Variants in PPP2R2B observed in about 807,000 individuals in gnomAD.
PPP2R2B encodes the protein serine/threonine-protein phosphatase 2A 55 kDa regulatory subunit B beta isoform.
Under a neutral mutation model 46.0 loss-of-function variants are expected in PPP2R2B, and 5 were observed. The observed-to-expected ratio is 0.11, with a 90% CI of 0.06 to 0.23. PPP2R2B has a LOEUF of 0.23. Among genes scored for constraint, PPP2R2B ranks in the 10% least tolerant of loss-of-function variants. The pLI, the probability that PPP2R2B is intolerant of heterozygous loss-of-function variation, is 1.00. For synonymous variants in PPP2R2B, 215 were observed against 206.7 expected, an observed-to-expected ratio of 1.04 and a Z score of -0.34; for missense variants, 367 against 575.0, an observed-to-expected ratio of 0.64 and a Z score of 3.70.
chr5:146,837,192 T>C (rs191739463), intron 2 of PPP2R2B, among the ~76,000 whole-genome samples: 35 of 152,304 alleles, frequency 2.3e-4, no homozygotes, highest in African/African-American at 6.3e-4. Context: ...TTTTTTCACT[T>C]TCAGTACAGT....
At chr5:146,655,343 C>T (rs1776253372) in intron 5 of PPP2R2B, among the ~76,000 whole-genome samples, 1 of 152,184 alleles carries the variant, frequency 6.6e-6, no homozygotes, top group Non-Finnish European at 1.5e-5. Context: ...AGCTCTTCCC[C>T]CCCAGAGAGT....
chr5:146,631,647 A>G (rs964932281), intron 7 of PPP2R2B, among the ~76,000 whole-genome samples: 8 of 152,212 alleles, frequency 5.3e-5, no homozygotes, highest in African/African-American at 1.2e-4. Context: ...AGGTACCTCA[A>G]TGCCTCTAAA....
At chr5:146,744,175 T>C (rs981096787) in intron 2 of PPP2R2B, among the ~76,000 whole-genome samples, 1 of 152,178 alleles carries the variant, frequency 6.6e-6, no homozygotes, top group African/African-American at 2.4e-5. Flanking sequence ...ATATAGAACA[T>C]AAGGCTGTTC....
chr5:146,619,107 T>G (rs1041490410), intron 7 of PPP2R2B, among the ~76,000 whole-genome samples: 2 of 152,118 alleles, frequency 1.3e-5, no homozygotes, highest in African/African-American at 2.4e-5. Flanking sequence ...ACTACTCATT[T>G]GCACCAGAGT....
chr5:146,785,773 A>G (rs2151288383), intron 2 of PPP2R2B, among the ~76,000 whole-genome samples: 1 of 152,314 alleles, frequency 6.6e-6, no homozygotes. Context: ...AAATGTATAT[A>G]TCAAGAAATA....
chr5:146,958,038 A>G (rs1190810687), intron 1 of PPP2R2B, among the ~76,000 whole-genome samples: 1 of 152,154 alleles, frequency 6.6e-6, no homozygotes, highest in Non-Finnish European at 1.5e-5. Flanking sequence ...TCTGAGTTGG[A>G]GGAGGATCAT....
intron 2 of PPP2R2B, among the ~76,000 whole-genome samples, chr5:146,772,080 A>G (rs1204033792): frequency 1.3e-5 from 2 of 152,154 alleles, no homozygotes; most frequent in Non-Finnish European, 2.9e-5. Context: ...CATCTACAGG[A>G]AAATGGTAAA....
intron 8 of PPP2R2B, among the ~76,000 whole-genome samples, chr5:146,596,936 T>C (rs919370106): frequency 6.6e-6 from 1 of 152,198 alleles, no homozygotes; most frequent in Non-Finnish European, 1.5e-5. Flanking sequence ...GAACCTTTCC[T>C]TCTTCTTCCT....
intron 2 of PPP2R2B, among the ~76,000 whole-genome samples, chr5:146,821,441 C>G (rs1758256626): frequency 6.6e-6 from 1 of 152,176 alleles, no homozygotes; most frequent in Admixed American, 6.5e-5. Flanking sequence ...AAGCATGGCT[C>G]TCCCTTCTCT....
chr5:146,872,820 A>G (rs1268378450), intron 2 of PPP2R2B, among the ~76,000 whole-genome samples: 1 of 152,090 alleles, frequency 6.6e-6, no homozygotes, highest in African/African-American at 2.4e-5. Context: ...TTCTATTGTG[A>G]GGTACTTTTT....
upstream of PPP2R2B, chr5:146,879,053 G>T (rs958072366): frequency 1.6e-5 from 7 of 448,298 alleles, no homozygotes; most frequent in Admixed American, 3.2e-4. Flanking sequence ...TTCTCCGGAC[G>T]CCTGAACTTG....
At chr5:146,769,016 A>G (rs1465610296) in intron 2 of PPP2R2B, among the ~76,000 whole-genome samples, 1 of 152,024 alleles carries the variant, frequency 6.6e-6, no homozygotes, top group Non-Finnish European at 1.5e-5. Flanking sequence ...TAGGTGGGAA[A>G]GCAGGTATGT....
At chr5:146,740,573 TCACACACACACACACACACACACACA>T (rs3995489) in intron 2 of PPP2R2B, among the ~76,000 whole-genome samples, 8 of 138,014 alleles carry the variant, frequency 5.8e-5, no homozygotes, top group African/African-American at 1.3e-4. Context: ...TAAAATGAGA[TCACACACACACACACACACACACACA>T]CACACACACA....
chr5:146,597,406 C>T (rs530031822), intron 8 of PPP2R2B, among the ~76,000 whole-genome samples: 1 of 152,156 alleles, frequency 6.6e-6, no homozygotes, highest in Non-Finnish European at 1.5e-5. Context: ...TTGATTCTAT[C>T]AATTCTTAAA....
chr5:146,687,059 G>C (rs539703788), intron 5 of PPP2R2B, among the ~76,000 whole-genome samples: 1 of 151,478 alleles, frequency 6.6e-6, no homozygotes, highest in Non-Finnish European at 1.5e-5. Flanking sequence ...CAGTGGTAGC[G>C]GGGAGTGGTG....
chr5:146,949,835 A>G (rs1764596563), intron 1 of PPP2R2B, among the ~76,000 whole-genome samples: 1 of 152,120 alleles, frequency 6.6e-6, no homozygotes, highest in Non-Finnish European at 1.5e-5. Flanking sequence ...GCCATAAAAA[A>G]GAATGAAATT....
chr5:147,043,197 G>T (rs891941073), intron 1 of PPP2R2B, among the ~76,000 whole-genome samples: 5 of 151,916 alleles, frequency 3.3e-5, no homozygotes, highest in Admixed American at 2.6e-4. Context: ...TTGAGAATTG[G>T]GGCAAAGAAT....
intron 2 of PPP2R2B, among the ~76,000 whole-genome samples, chr5:146,741,698 C>T (rs761628713): frequency 7.2e-5 from 11 of 152,178 alleles, no homozygotes; most frequent in Non-Finnish European, 1.3e-4. Flanking sequence ...GCCACTCCTG[C>T]CTGTGCTGGG....
At chr5:146,727,300 G>C (rs567604563) in intron 2 of PPP2R2B, among the ~76,000 whole-genome samples, 3 of 140,340 alleles carry the variant, frequency 2.1e-5, no homozygotes, top group Admixed American at 6.9e-5. Flanking sequence ...GATTATGAGA[G>C]GTGTTTTTTT....
Sources: allele counts gnomAD v4.1 joint callset (sites outside exome capture counted in the v4.1 genomes callset), GRCh38; gene constraint gnomAD v4.1.1; transcripts MANE v1.5; gene names NCBI Gene and HGNC (gene_info 2026-07-23, HGNC 2026-07-21).